The following KCND3 variants were observed in gnomAD, a reference collection of about 807,000 sequenced individuals.
KCND3 encodes the protein potassium voltage-gated channel subfamily D member 3.
KCND3 carries 9 observed loss-of-function variants against 51.1 expected under a neutral mutation model. The observed-to-expected ratio is 0.18, with a 90% CI of 0.11 to 0.31. The LOEUF is 0.31. Among genes scored for constraint, KCND3 ranks in the 10% least tolerant of loss-of-function variants. The pLI, the probability that KCND3 is intolerant of heterozygous loss-of-function variation, is 1.00. For missense variants in KCND3, 526 were observed against 903.8 expected (o/e 0.58, Z 5.36); for synonymous variants, 349 against 368.0 (o/e 0.95, Z 0.59).
At chr1:111,919,416 G>C (rs1671373469) in intron 2 of KCND3, among the ~76,000 whole-genome samples, 1 of 152,034 alleles carries the variant, frequency 6.6e-6, no homozygotes, top group Admixed American at 6.5e-5. Flanking sequence ...TGAATGATAA[G>C]AGCAAGCCCT....
chr1:111,942,969 C>A (rs1672595899), intron 2 of KCND3, among the ~76,000 whole-genome samples: 3 of 152,122 alleles, frequency 2.0e-5, no homozygotes, highest in African/African-American at 7.2e-5. Flanking sequence ...AGAACCGAAG[C>A]TAAAACCCAT....
At chr1:111,850,211 T>C (rs34706768) in intron 2 of KCND3, among the ~76,000 whole-genome samples, 3,656 of 152,288 alleles carry the variant, frequency 0.024, 78 homozygotes, top group East Asian at 0.097. Flanking sequence ...AGGCCCTGCA[T>C]AGAATTTCAA....
At chr1:111,931,038 T>C (rs1006297976) in intron 2 of KCND3, among the ~76,000 whole-genome samples, 1 of 152,178 alleles carries the variant, frequency 6.6e-6, no homozygotes, top group East Asian at 1.9e-4. Flanking sequence ...ATCCAGCACA[T>C]TGTCTGCTGA....
At chr1:111,989,330 C>T (rs967825515) in intron 1 of KCND3, among the ~76,000 whole-genome samples, 175 bp downstream of exon 1, 5 of 152,130 alleles carry the variant, frequency 3.3e-5, no homozygotes, top group Admixed American at 6.5e-5. Flanking sequence ...GCCCCCGGGC[C>T]GGCTGTCTGC....
chr1:111,791,428 T>A (rs1391016361), intron 2 of KCND3, among the ~76,000 whole-genome samples: 1 of 152,074 alleles, frequency 6.6e-6, no homozygotes, highest in Non-Finnish European at 1.5e-5. Context: ...GGGATTGCAG[T>A]CGGGGAGGAA....
At chr1:111,922,537 T>C (rs372330198) in intron 2 of KCND3, among the ~76,000 whole-genome samples, 1 of 152,274 alleles carries the variant, frequency 6.6e-6, no homozygotes, top group Non-Finnish European at 1.5e-5. Flanking sequence ...ATACTAGCTG[T>C]GTGACTTCAG....
In KCND3 at chr1:111,776,117, G is replaced by A. The variant is rs1191988655; in HGVS notation, c.1928C>T (p.Pro643Leu). 1 of 1,614,250 alleles carries A rather than the reference G, an allele frequency of 6.2e-7. No homozygotes were observed. Among genetic ancestry groups the A allele is most frequent in the Non-Finnish European group, 8.5e-7 (1 of 1,180,050 alleles). The change falls in exon 8 of 8, where the codon CCT becomes CTT. Residue 643 changes from proline to leucine, a missense_variant. By Grantham distance (98) the Pro-to-Leu change is moderately conservative. Transcript: ENST00000302127. The stretch of plus-strand genomic sequence containing the variant: ...CTTGACAACATTGCTGGCTATGGAA[G>A]GAATGTTCGTGTTGGGGCCTGGGCT... ...PASPGPNTNIPSIASNVVKVS... is the reference protein window; with the variant it reads ...PASPGPNTNILSIASNVVKVS...
At chr1:111,884,459 G>A (rs1428703117) in intron 2 of KCND3, among the ~76,000 whole-genome samples, 1 of 152,182 alleles carries the variant, frequency 6.6e-6, no homozygotes, top group Admixed American at 6.5e-5. Context: ...TGCCATTCCT[G>A]ACTGGGGTGG....
At chr1:111,911,279 G>A (rs538124259) in intron 2 of KCND3, among the ~76,000 whole-genome samples, 2 of 152,350 alleles carry the variant, frequency 1.3e-5, no homozygotes, top group African/African-American at 2.4e-5. Context: ...ATGTTTCAGT[G>A]TGGGAGCCAG....
Position 111,982,250 on chromosome 1 carries a change from G to C in KCND3, c.477C>G (p.Ser159=). Residue 159 remains serine, a synonymous_variant, in exon 2 of 8, where the codon TCC becomes TCG. Transcript: ENST00000302127. This position sits in a 1 kb window ranked among gnomAD's most constrained non-coding sequence, Gnocchi z 8.5. ...DDNDSENNQE[S]MPSLSFRQTM... ...TCTGGCGGAAGCTGAGCGAGGGCAT[G>C]GACTCCTGGTTGTTCTCCGAGTCGT... 1 of 1,614,136 alleles carries C rather than the reference G, an allele frequency of 6.2e-7. No individual in the cohort carries two copies. The highest frequency in any genetic ancestry group is 1.3e-5 in the African/African-American group (1 of 75,054).
intron 2 of KCND3, among the ~76,000 whole-genome samples, chr1:111,833,999 A>G (rs1666966334): frequency 6.6e-6 from 1 of 152,208 alleles, no homozygotes. Context: ...CAGTTATCCA[A>G]TCAGGTATGA....
chr1:111,913,929 C>T (rs568210808), intron 2 of KCND3, among the ~76,000 whole-genome samples: 33 of 152,042 alleles, frequency 2.2e-4, no homozygotes, highest in African/African-American at 8.0e-4. Context: ...ACAAACCCCA[C>T]AAGTTATGCA....
chr1:111,916,710 C>T (rs72694604), intron 2 of KCND3, among the ~76,000 whole-genome samples: 10,348 of 152,130 alleles, frequency 0.068, 437 homozygotes, highest in East Asian at 0.1. Flanking sequence ...AAAGATGGAA[C>T]ATCACTACAG....
chr1:111,852,392 C>T (rs567221294), intron 2 of KCND3, among the ~76,000 whole-genome samples: 145 of 152,278 alleles, frequency 9.5e-4, no homozygotes, highest in Admixed American at 2.2e-3. Flanking sequence ...TTTTGTGGGC[C>T]GGCAGGGACT....
At chr1:111,973,790 A>G (rs1358886709) in intron 2 of KCND3, among the ~76,000 whole-genome samples, 1 of 152,222 alleles carries the variant, frequency 6.6e-6, no homozygotes, top group African/African-American at 2.4e-5. Context: ...GACTTTCTGT[A>G]TATTAAATTC....
In KCND3 at chr1:111,981,577, C is replaced by T; in HGVS notation, c.1106+44G>A. ...CAAGGTTTCAGAGGTCATCCAGCTG[C>T]CCTCCAACCTCCGTCCTGGTTTCAT... On this transcript the variant is annotated intron_variant, in intron 2 of 7. Coordinates refer to ENST00000302127, the MANE Select transcript of KCND3 (RefSeq NM_001378969.1). The surrounding 1 kb of genome is among the most constrained non-coding windows in gnomAD (Gnocchi z 6.2). 5.0e-6 allele frequency: 8 copies of T among 1,613,234 alleles called. No individual in the cohort carries two copies. Among genetic ancestry groups the T allele is most frequent in the Non-Finnish European group, 6.8e-6 (8 of 1,179,470 alleles).
chr1:111,883,421 T>G (rs1669427946), intron 2 of KCND3, among the ~76,000 whole-genome samples: 1 of 152,254 alleles, frequency 6.6e-6, no homozygotes, highest in Non-Finnish European at 1.5e-5. Flanking sequence ...CTTTCGTTTT[T>G]GCCCTTATGA....
At chr1:111,855,452 C>T (rs1409717848) in intron 2 of KCND3, among the ~76,000 whole-genome samples, 1 of 152,210 alleles carries the variant, frequency 6.6e-6, no homozygotes, top group Non-Finnish European at 1.5e-5. Context: ...ACCTTGGTTA[C>T]ATCATGATGG....
intron 2 of KCND3, among the ~76,000 whole-genome samples, chr1:111,980,583 C>T (rs75847580): frequency 0.019 from 2,946 of 152,156 alleles, 95 homozygotes; most frequent in African/African-American, 0.067. Context: ...AGCAATATAA[C>T]GCTTCCTAGC....
Sources: gnomAD v4.1 joint callset for allele counts (sites outside exome capture counted in the v4.1 genomes callset) on GRCh38, gnomAD v4.1.1 for gene constraint, Gnocchi (gnomAD v3.1) non-coding constraint, MANE v1.5 for transcripts, NCBI Gene and HGNC (gene_info 2026-07-23, HGNC 2026-07-21) for gene names.